CCSER1: variants seen among roughly 807,000 people sequenced by gnomAD.
CCSER1 encodes the protein serine-rich coiled-coil domain-containing protein 1.
In CCSER1, 41 loss-of-function variants were observed where a neutral mutation model predicts 82.0. That is an observed-to-expected ratio of 0.50 (90% CI 0.39 to 0.65). CCSER1 has a LOEUF of 0.65. CCSER1 is among the 30% of genes least tolerant of loss of function. The pLI is 0.00. For missense variants in CCSER1, 1,119 were observed against 1,064.2 expected, an observed-to-expected ratio of 1.05 and a Z score of -0.72; for synonymous variants, 414 against 383.9, an observed-to-expected ratio of 1.08 and a Z score of -0.92.
chr4:90,500,275 T>C (rs1041104993), intron 5 of CCSER1, among the ~76,000 whole-genome samples: 1 of 152,116 alleles, frequency 6.6e-6, no homozygotes, highest in Non-Finnish European at 1.5e-5. Flanking sequence ...AAAATGGGCA[T>C]CTATATGTGA....
chr4:90,161,320 G>T (rs887880080), intron 1 of CCSER1, among the ~76,000 whole-genome samples: 1 of 151,992 alleles, frequency 6.6e-6, no homozygotes, highest in Non-Finnish European at 1.5e-5. Context: ...TCTGTTTCAG[G>T]TACTGTTCTA....
At chr4:91,351,348 G>T (rs1375976077) in intron 10 of CCSER1, among the ~76,000 whole-genome samples, 1 of 152,014 alleles carries the variant, frequency 6.6e-6, no homozygotes, top group Non-Finnish European at 1.5e-5. Context: ...CTTCAGAGAT[G>T]AAATAATCCT....
At chr4:91,143,880 T>A (rs1035268434) in intron 10 of CCSER1, among the ~76,000 whole-genome samples, 1 of 152,060 alleles carries the variant, frequency 6.6e-6, no homozygotes, top group Non-Finnish European at 1.5e-5. Flanking sequence ...GGCTTGGCAG[T>A]ATTTTATTAA....
intron 6 of CCSER1, among the ~76,000 whole-genome samples, chr4:90,637,230 G>A (rs1725587069): frequency 6.6e-6 from 1 of 152,096 alleles, no homozygotes; most frequent in African/African-American, 2.4e-5. Context: ...TGCTGTGGCA[G>A]GAGGACTCAG....
chr4:91,544,455 G>T (rs984502851), intron 10 of CCSER1, among the ~76,000 whole-genome samples: 4 of 152,056 alleles, frequency 2.6e-5, no homozygotes, highest in African/African-American at 9.7e-5. Context: ...ATCTACCTTT[G>T]GTCTTTGATG....
In CCSER1 at chr4:90,662,201, G is replaced by A. The variant is rs147195028; in HGVS notation, c.1932+33969G>A. 1.8e-4 allele frequency among the ~76,000 whole-genome samples: 27 copies of A among 152,050 alleles called. No homozygotes were observed. In the South Asian group the frequency reaches 2.5e-3, roughly 14 times the overall value. ...TTTTAGTACAAATGGGTTTCACCGT[G>A]TTAGCCAGGGTGGTCTCCATCTCCT... On this transcript the variant is annotated intron_variant, in intron 6 of 10. Coordinates refer to ENST00000509176, the MANE Select transcript of CCSER1 (RefSeq NM_001145065.2).
At chr4:90,252,498 T>G (rs1722582887) in intron 1 of CCSER1, among the ~76,000 whole-genome samples, 1 of 151,812 alleles carries the variant, frequency 6.6e-6, no homozygotes, top group Non-Finnish European at 1.5e-5. Context: ...ATTTTAAGAT[T>G]TTTAATTTTT....
At position 91,159,844 on chromosome 4, in the gene CCSER1, T is replaced by A. The variant is rs75714308; in HGVS notation, c.2217+73850T>A. ...ACCTAATCAAATTCTAAGATATTTT[T>A]AATACCATGAATAAATATATTATGA... On this transcript the variant is annotated intron_variant, in intron 10 of 10. Transcript: ENST00000509176. Among the ~76,000 whole-genome samples, 823 of 152,096 alleles carry A rather than the reference T, an allele frequency of 5.4e-3. 10 individuals carry two copies. Among genetic ancestry groups the A allele is most frequent in the African/African-American group, 0.019 (780 of 41,520 alleles).
chr4:90,565,262 AT>A (rs1450998643), intron 5 of CCSER1, among the ~76,000 whole-genome samples: 1 of 147,868 alleles, frequency 6.8e-6, no homozygotes, highest in Non-Finnish European at 1.5e-5. Flanking sequence ...ACTCCTGAGT[AT>A]TTTTTTGTAG....
chr4:90,480,164 A>G (rs1332717542), intron 5 of CCSER1, among the ~76,000 whole-genome samples: 2 of 152,192 alleles, frequency 1.3e-5, no homozygotes, highest in Non-Finnish European at 2.9e-5. Context: ...TTTTGGCTGC[A>G]TAAATGTCTT....
At chr4:91,052,593 A>T (rs1219932423) in intron 9 of CCSER1, among the ~76,000 whole-genome samples, 1 of 152,098 alleles carries the variant, frequency 6.6e-6, no homozygotes, top group Non-Finnish European at 1.5e-5. Context: ...TGATAGCAAA[A>T]GATGCAGGAG....
chr4:90,799,484 G>A (rs964801127), intron 7 of CCSER1, among the ~76,000 whole-genome samples: 2 of 152,034 alleles, frequency 1.3e-5, no homozygotes, highest in Non-Finnish European at 1.5e-5. Context: ...CGTAGGCGTC[G>A]TGCCACTGGA....
Position 91,581,370 on chromosome 4 carries a change from G to C in CCSER1, c.2218-17202G>C, listed in dbSNP as rs114651520. Among the ~76,000 whole-genome samples the C allele has an allele frequency of 1.4e-3, 216 of 151,828 alleles. 1 individual carries two copies. Among genetic ancestry groups the C allele is most frequent in the African/African-American group, 4.9e-3 (205 of 41,506 alleles). ...TTTTGCCAGAAGGGCAGCATTAGTTGATCAATAGGAGCAGATTCAGGTTGT... is the reference window on the plus strand; with the variant it reads ...TTTTGCCAGAAGGGCAGCATTAGTTCATCAATAGGAGCAGATTCAGGTTGT... On this transcript the variant is annotated intron_variant, in intron 10 of 10. Coordinates refer to ENST00000509176, the MANE Select transcript of CCSER1 (RefSeq NM_001145065.2).
intron 5 of CCSER1, among the ~76,000 whole-genome samples, chr4:90,506,936 TAA>T (rs1474668418): frequency 2.6e-5 from 4 of 152,170 alleles, no homozygotes; most frequent in Non-Finnish European, 5.9e-5. Flanking sequence ...GTTCTGTTCC[TAA>T]AAAATAAATG....
At chr4:91,538,290 GTTC>G (rs978562148) in intron 10 of CCSER1, among the ~76,000 whole-genome samples, 5 of 151,818 alleles carry the variant, frequency 3.3e-5, no homozygotes, top group African/African-American at 1.2e-4. Context: ...GAAAGCAAAT[GTTC>G]TTCTCAGCTT....
chr4:90,365,917 T>C (rs1350313207), intron 3 of CCSER1, among the ~76,000 whole-genome samples: 1 of 151,948 alleles, frequency 6.6e-6, no homozygotes, highest in Non-Finnish European at 1.5e-5. Flanking sequence ...CATATTATTG[T>C]AAAATTAATA....
chr4:91,069,023 AAT>A (rs1721143495), intron 9 of CCSER1, among the ~76,000 whole-genome samples: 1 of 152,034 alleles, frequency 6.6e-6, no homozygotes, highest in African/African-American at 2.4e-5. Context: ...AAAATACAAA[AAT>A]TAGCTGGGTG....
chr4:90,293,360 G>T (rs1731276698), intron 1 of CCSER1, among the ~76,000 whole-genome samples: 1 of 151,358 alleles, frequency 6.6e-6, no homozygotes, highest in Non-Finnish European at 1.5e-5. Context: ...AAGTTGAATC[G>T]AGTTTTTCTT....
chr4:91,448,973 T>C (rs1444768877), intron 10 of CCSER1, among the ~76,000 whole-genome samples: 1 of 152,062 alleles, frequency 6.6e-6, no homozygotes, highest in Non-Finnish European at 1.5e-5. Flanking sequence ...GGGGTAGGTA[T>C]GGTTTACTGT....
Sources: allele counts gnomAD v4.1 joint callset (sites outside exome capture counted in the v4.1 genomes callset), GRCh38; gene constraint gnomAD v4.1.1; transcripts MANE v1.5; gene names NCBI Gene and HGNC (gene_info 2026-07-23, HGNC 2026-07-21).